Variants in MYO9B observed in about 807,000 individuals in gnomAD.
The protein encoded by MYO9B is unconventional myosin-IXb.
A neutral mutation model predicts 229.5 loss-of-function variants in MYO9B; 71 were observed. That is an observed-to-expected ratio of 0.31 (90% CI 0.26 to 0.38). MYO9B has a LOEUF of 0.38. Ranked by LOEUF, MYO9B falls within the 10% of genes least tolerant of loss-of-function variation. The pLI, the probability that MYO9B is intolerant of heterozygous loss-of-function variation, is 1.00. For synonymous variants in MYO9B, 1,185 were observed against 1,235.8 expected (o/e 0.96, Z 0.86); for missense variants, 2,255 against 2,920.5 (o/e 0.77, Z 5.25).
chr19:17,182,443 C>T (rs565985269), intron 15 of MYO9B, among the ~76,000 whole-genome samples: 2 of 151,884 alleles, frequency 1.3e-5, no homozygotes, highest in Admixed American at 6.6e-5. Flanking sequence ...CTCACTCTGT[C>T]GCCAGGCTGG....
rs770104097 is a variant in MYO9B, at chr19:17,101,802, G to A, written c.85G>A (p.Glu29Lys). ...CATCTACCCCCAGCTGTCCACCACC[G>A]AGAGCCAGGCCTCGTGCCGCGTGAC... ...LHIYPQLSTT[E>K]SQASCRVTAT... Residue 29 changes from glutamate (E) to lysine (K), a missense_variant, in exon 2 of 40, where the codon GAG becomes AAG. By Grantham distance (56) the Glu-to-Lys change is moderately conservative. Around this residue, in one of 7 missense-constraint regions of MYO9B, gnomAD observed 386 missense variants for 515.2 expected, o/e 0.75. Coordinates refer to ENST00000682292, the MANE Select transcript of MYO9B (RefSeq NM_004145.4). The surrounding 1 kb of genome is among the most constrained non-coding windows in gnomAD (Gnocchi z 4.7). 41 of 1,606,048 alleles carry A rather than the reference G, an allele frequency of 2.6e-5. No homozygotes were observed. Among genetic ancestry groups the A allele is most frequent in the South Asian group, 9.9e-5 (9 of 90,532 alleles).
Position 17,104,900 on chromosome 19 carries a change from C to T in MYO9B, c.840+2343C>T, listed in dbSNP as rs182366568. ...GTTGGTTGCACCTGACTCAACTCTA[C>T]GTTGGTACTGTTACTAACAGCCATA... On this transcript the variant is annotated intron_variant, in intron 2 of 39. Transcript: ENST00000682292. Among the ~76,000 whole-genome samples the T allele has an allele frequency of 2.8e-4, 42 of 152,214 alleles. No homozygotes were observed. The Middle Eastern group carries it at 0.017, about 62-fold the overall frequency.
At chr19:17,136,242 C>T (rs546669241) in intron 2 of MYO9B, among the ~76,000 whole-genome samples, 3 of 152,246 alleles carry the variant, frequency 2.0e-5, no homozygotes, top group South Asian at 2.1e-4. Context: ...GCCCAGGCAC[C>T]GGGCCCCAGG....
chr19:17,204,753 G>A (rs2073141676), intron 30 of MYO9B, among the ~76,000 whole-genome samples: 1 of 152,032 alleles, frequency 6.6e-6, no homozygotes, highest in African/African-American at 2.4e-5. Context: ...AGGATCACCT[G>A]GGCCTGGGAG....
chr19:17,166,470 C>A (rs1037789349), intron 10 of MYO9B, among the ~76,000 whole-genome samples: 1 of 151,876 alleles, frequency 6.6e-6, no homozygotes, highest in Admixed American at 6.6e-5. Context: ...TTGATTTACT[C>A]ATATGCATTT....
chr19:17,160,675 T>A (rs1018520210), intron 8 of MYO9B, among the ~76,000 whole-genome samples: 2 of 151,362 alleles, frequency 1.3e-5, no homozygotes, highest in African/African-American at 4.8e-5. Context: ...GCCTGGCTAA[T>A]TTTTTTTGCA....
intron 6 of MYO9B, among the ~76,000 whole-genome samples, chr19:17,154,758 C>G (rs911495975): frequency 6.6e-6 from 1 of 152,122 alleles, no homozygotes; most frequent in African/African-American, 2.4e-5. Context: ...CCCAAGAGTT[C>G]AAGACCAGCC....
chr19:17,164,988 CT>C (rs1164882418), intron 10 of MYO9B, among the ~76,000 whole-genome samples: 21 of 152,222 alleles, frequency 1.4e-4, no homozygotes, highest in African/African-American at 4.8e-4. Flanking sequence ...CCACAGCCCC[CT>C]GAGTAGCTGA....
intron 2 of MYO9B, among the ~76,000 whole-genome samples, chr19:17,144,595 TCAAA>T (rs1331674271): frequency 6.7e-6 from 1 of 149,720 alleles, no homozygotes; most frequent in South Asian, 2.1e-4. Context: ...TGACCCTGTC[TCAAA>T]CAAAAAAAAA....
intron 2 of MYO9B, among the ~76,000 whole-genome samples, chr19:17,130,809 A>G (rs1260360815): frequency 6.6e-6 from 1 of 151,800 alleles, no homozygotes; most frequent in Non-Finnish European, 1.5e-5. Flanking sequence ...TTGCCTACAT[A>G]GGACGTTCAA....
At chr19:17,206,910 T>G (rs911142035) in intron 34 of MYO9B, 126 bp downstream of exon 34, 2 of 1,207,208 alleles carry the variant, frequency 1.7e-6, no homozygotes, top group African/African-American at 3.0e-5. Flanking sequence ...AGACCACTGT[T>G]GGGGGTTCTG....
intron 3 of MYO9B, among the ~76,000 whole-genome samples, chr19:17,147,664 T>A (rs2072428102): frequency 7.0e-6 from 1 of 143,622 alleles, no homozygotes. Context: ...GCCCAGACAC[T>A]ATGTTTAATT....
chr19:17,077,570 G>C (rs368251297), intron 1 of MYO9B, among the ~76,000 whole-genome samples: 27 of 152,218 alleles, frequency 1.8e-4, no homozygotes, highest in Middle Eastern at 3.4e-3. Context: ...AGGGTCTTGT[G>C]GGGGGAGCAC....
chr19:17,101,820 C>T lies in MYO9B; in HGVS notation c.103C>T (p.Arg35Cys), dbSNP rs767748625. ...CACCACCGAGAGCCAGGCCTCGTGC[C>T]GCGTGACTGCCACCAAGGACAGCAC... Reference protein sequence around the residue: ...LSTTESQASCRVTATKDSTTS... With the variant: ...LSTTESQASCCVTATKDSTTS... Residue 35 changes from arginine (R) to cysteine (C), a missense_variant, in exon 2 of 40, where the codon CGC becomes TGC. Around this residue, in one of 7 missense-constraint regions of MYO9B, gnomAD observed 386 missense variants for 515.2 expected, o/e 0.75. Coordinates refer to ENST00000682292, the MANE Select transcript of MYO9B (RefSeq NM_004145.4). The surrounding 1 kb of genome is among the most constrained non-coding windows in gnomAD (Gnocchi z 4.7). 53 of 1,608,954 alleles carry T rather than the reference C, an allele frequency of 3.3e-5. No individual in the cohort carries two copies. The highest frequency in any genetic ancestry group is 8.0e-5 in the African/African-American group (6 of 74,832).
At chr19:17,176,099 G>A (rs986655310) in intron 14 of MYO9B, among the ~76,000 whole-genome samples, 11 of 152,246 alleles carry the variant, frequency 7.2e-5, no homozygotes, top group Admixed American at 1.3e-4. Flanking sequence ...GCGTGATCTC[G>A]GCTCACTGCA....
chr19:17,127,417 C>T (rs1005870515), intron 2 of MYO9B, among the ~76,000 whole-genome samples: 1 of 151,394 alleles, frequency 6.6e-6, no homozygotes, highest in Non-Finnish European at 1.5e-5. Flanking sequence ...ACCTTCGCCT[C>T]CCAGGTTCAA....
At chr19:17,132,077 C>T (rs1454635420) in intron 2 of MYO9B, among the ~76,000 whole-genome samples, 1 of 151,462 alleles carries the variant, frequency 6.6e-6, no homozygotes, top group Non-Finnish European at 1.5e-5. Flanking sequence ...CAGGATCTCA[C>T]GGCTGCTCTT....
At chr19:17,207,901 T>C (rs990439710) in intron 35 of MYO9B, 1 of 152,074 alleles carries the variant, frequency 6.6e-6, no homozygotes, top group Non-Finnish European at 1.5e-5. Context: ...TCCCAGCTAC[T>C]TGGGAGGCTG....
chr19:17,158,727 G>A (rs546019314), intron 7 of MYO9B, among the ~76,000 whole-genome samples: 2 of 152,276 alleles, frequency 1.3e-5, no homozygotes, highest in South Asian at 4.1e-4. Context: ...TAAGGTCTAA[G>A]CCCAGGCCCT....
Sources: gnomAD v4.1 joint callset for allele counts (sites outside exome capture counted in the v4.1 genomes callset) on GRCh38, gnomAD v4.1.1 for gene constraint, gnomAD v4.1.1 regional missense constraint, Gnocchi (gnomAD v3.1) non-coding constraint, MANE v1.5 for transcripts, NCBI Gene and HGNC (gene_info 2026-07-23, HGNC 2026-07-21) for gene names.